Variants in MAP1A observed in about 807,000 individuals in gnomAD.
MAP1A encodes microtubule-associated protein 1A.
Under a neutral mutation model 185.9 loss-of-function variants are expected in MAP1A, and 42 were observed. The observed-to-expected ratio is 0.23, with a 90% CI of 0.18 to 0.29. The LOEUF (loss-of-function observed/expected upper bound fraction) is 0.29, where lower values mean the gene tolerates loss of function less well. Among genes scored for constraint, MAP1A ranks in the 10% least tolerant of loss-of-function variants. MAP1A has a pLI of 1.00. For synonymous variants in MAP1A, 1,229 were observed against 1,335.9 expected, an observed-to-expected ratio of 0.92 and a Z score of 1.74; for missense variants, 2,995 against 3,450.4, an observed-to-expected ratio of 0.87 and a Z score of 3.31.
Position 43,530,212 on chromosome 15 carries a change from G to A in MAP1A, c.8400G>A (p.Lys2800=), listed in dbSNP as rs771508941. The change falls in exon 6 of 6, where the codon AAG becomes AAA. Residue 2800 remains lysine, a synonymous_variant. Coordinates refer to ENST00000300231, the MANE Select transcript of MAP1A (RefSeq NM_002373.6). ...VMQDESFPAC[K]IEF ...AGGATGAGTCCTTCCCTGCCTGCAAGATTGAGTTCTGAAAGAGCCGCCCTC... is the reference window on the plus strand; with the variant it reads ...AGGATGAGTCCTTCCCTGCCTGCAAAATTGAGTTCTGAAAGAGCCGCCCTC... The A allele has an allele frequency of 6.2e-7, 1 of 1,614,098 alleles. No individual in the cohort carries two copies. Among genetic ancestry groups the A allele is most frequent in the Non-Finnish European group, 8.5e-7 (1 of 1,179,974 alleles).
intron 1 of MAP1A, chr15:43,512,136 A>G (rs1303582257): frequency 9.9e-7 from 1 of 1,015,122 alleles, no homozygotes; most frequent in East Asian, 2.6e-5. Context: ...CTGCAGTCTC[A>G]CCACCCTACA....
At position 43,521,122 on chromosome 15, in the gene MAP1A, A is replaced by G. The variant is rs1315642407; in HGVS notation, c.-151+10A>G. On this transcript the variant is annotated intron_variant, in intron 3 of 5. Transcript: ENST00000300231. This position sits in a 1 kb window ranked among gnomAD's most constrained non-coding sequence, Gnocchi z 4.6. Reference sequence around the variant, plus strand: ...CCTTCACAACCCCGAGGTAAGTTCCATGCCAGAGTGTCTGGGAGAAAGGGT... The same window carrying G: ...CCTTCACAACCCCGAGGTAAGTTCCGTGCCAGAGTGTCTGGGAGAAAGGGT... 4.5e-6 allele frequency: 7 copies of G among 1,543,212 alleles called. No individual in the cohort carries two copies. The East Asian group carries it at 1.7e-4, about 38-fold the overall frequency.
chr15:43,526,732 A>C lies in MAP1A; in HGVS notation c.5259A>C (p.Ser1753=), dbSNP rs2079345659. Residue 1753 remains serine, a synonymous_variant, in exon 4 of 6, where the codon TCA becomes TCC. Transcript: ENST00000300231. This position sits in a 1 kb window ranked among gnomAD's most constrained non-coding sequence, Gnocchi z 4.7. The part of the protein sequence containing the change: ...REHATRSPWA[S]DFKDFQESSP... ...ACGCAACCCGGAGCCCCTGGGCCTCAGACTTCAAGGATTTCCAGGAATCCT... is the reference window on the plus strand; with the variant it reads ...ACGCAACCCGGAGCCCCTGGGCCTCCGACTTCAAGGATTTCCAGGAATCCT... 1 of 1,614,016 alleles carries C rather than the reference A, an allele frequency of 6.2e-7. No individual in the cohort carries two copies. Among genetic ancestry groups the C allele is most frequent in the Admixed American group, 1.7e-5 (1 of 59,992 alleles).
At chr15:43,519,187 T>G (rs2079310352) in intron 1 of MAP1A, among the ~76,000 whole-genome samples, 1 of 152,194 alleles carries the variant, frequency 6.6e-6, no homozygotes, top group African/African-American at 2.4e-5. Flanking sequence ...GCCCTGCCCT[T>G]GCCTACATCT....
Position 43,528,479 on chromosome 15 carries a change from C to T in MAP1A, c.7006C>T (p.His2336Tyr), listed in dbSNP as rs759508052. The change falls in exon 4 of 6, where the codon CAC becomes TAC. Residue 2336 changes from histidine (H) to tyrosine (Y), a missense_variant. Coordinates refer to ENST00000300231, the MANE Select transcript of MAP1A (RefSeq NM_002373.6). ...GDMGDGILPC[H>Y]LECSEAATEK... is the part of the protein sequence containing the mutation. ...CATGGGTGATGGCATCCTGCCGTGCCACCTGGAGTGCTCAGAGGCAGCCAC... is the reference window on the plus strand; with the variant it reads ...CATGGGTGATGGCATCCTGCCGTGCTACCTGGAGTGCTCAGAGGCAGCCAC... 1.1e-5 allele frequency: 17 copies of T among 1,613,544 alleles called. No individual in the cohort carries two copies. In the East Asian group the frequency reaches 3.3e-4, roughly 32 times the overall value.
In MAP1A at chr15:43,527,210, G is replaced by A; in HGVS notation, c.5737G>A (p.Glu1913Lys). ...CCTGGGGAAGGACTACCGCAAGGCT[G>A]AAGGGGAAAGGGAAGAAGAAGGTAG... ...SPLGKDYRKA[E>K]GEREEEGRAE... The change falls in exon 4 of 6, where the codon GAA (glutamate) becomes AAA (lysine). Residue 1913 changes from glutamate (E) to lysine (K), a missense_variant. Glu to Lys is a moderately conservative substitution (Grantham distance 56, BLOSUM62 1). Coordinates refer to ENST00000300231, the MANE Select transcript of MAP1A (RefSeq NM_002373.6). 1 of 1,614,122 alleles carries A rather than the reference G, an allele frequency of 6.2e-7. No individual in the cohort carries two copies. Among genetic ancestry groups the A allele is most frequent in the Non-Finnish European group, 8.5e-7 (1 of 1,179,998 alleles).
Position 43,529,884 on chromosome 15 carries a change from G to T in MAP1A, c.8256+14G>T. 2 of 1,610,770 alleles carry T rather than the reference G, an allele frequency of 1.2e-6. No individual in the cohort carries two copies. The highest frequency in any genetic ancestry group is 1.7e-6 in the Non-Finnish European group (2 of 1,178,888). On this transcript the variant is annotated intron_variant, in intron 5 of 5. Transcript: ENST00000300231. This position sits in a 1 kb window ranked among gnomAD's most constrained non-coding sequence, Gnocchi z 4.3. Reference sequence around the variant, plus strand: ...GAGAATCTTCAGGTGAGTAGCAAAGGACACCAAGGAAGTAGTCTGGTCAAC... The same window carrying T: ...GAGAATCTTCAGGTGAGTAGCAAAGTACACCAAGGAAGTAGTCTGGTCAAC...
In MAP1A at chr15:43,529,892, G is replaced by T. The variant is rs1401064059; in HGVS notation, c.8256+22G>T. 2 of 1,608,028 alleles carry T rather than the reference G, an allele frequency of 1.2e-6. No individual in the cohort carries two copies. The highest frequency in any genetic ancestry group is 1.1e-5 in the South Asian group (1 of 90,836). ...TCAGGTGAGTAGCAAAGGACACCAA[G>T]GAAGTAGTCTGGTCAACGCTCACTC... On this transcript the variant is annotated intron_variant, in intron 5 of 5. Coordinates refer to ENST00000300231, the MANE Select transcript of MAP1A (RefSeq NM_002373.6). This position sits in a 1 kb window ranked among gnomAD's most constrained non-coding sequence, Gnocchi z 4.3.
At chr15:43,520,944 T>A in intron 2 of MAP1A, 28 bp from the exon 3 acceptor site, 1 of 1,545,240 alleles carries the variant, frequency 6.5e-7, no homozygotes. Context: ...TTCCTATATC[T>A]GTGACCACTC....
chr15:43,520,688 C>G lies in MAP1A; in HGVS notation c.-327C>G. On this transcript the variant is annotated 5_prime_UTR_variant, in exon 2 of 6. Coordinates refer to ENST00000300231, the MANE Select transcript of MAP1A (RefSeq NM_002373.6). ...GAGTGAGATCCTAGAGACCATCATC[C>G]TGGTAAATCCCAGTGCAGACAGCAT... 1.3e-6 allele frequency: 2 copies of G among 1,550,616 alleles called. No homozygotes were observed. Among genetic ancestry groups the G allele is most frequent in the Non-Finnish European group, 1.7e-6 (2 of 1,146,786 alleles).
At position 43,527,765 on chromosome 15, in the gene MAP1A, C is replaced by G; in HGVS notation, c.6292C>G (p.Arg2098Gly). 6.2e-7 allele frequency: 1 copy of G among 1,613,720 alleles called. No individual in the cohort carries two copies. Among genetic ancestry groups the G allele is most frequent in the Non-Finnish European group, 8.5e-7 (1 of 1,179,824 alleles). ...RRSPSPKESGRSHWDDSTSDS... is the reference protein window; with the variant it reads ...RRSPSPKESGGSHWDDSTSDS... ...GTCCCCATCCCCCAAGGAATCAGGCCGGAGTCACTGGGATGACAGCACTAG... is the reference window on the plus strand; with the variant it reads ...GTCCCCATCCCCCAAGGAATCAGGCGGGAGTCACTGGGATGACAGCACTAG... Residue 2098 changes from arginine (R) to glycine (G), a missense_variant, in exon 4 of 6, where the codon CGG (arginine) becomes GGG (glycine). By Grantham distance (125) the Arg-to-Gly change is moderately radical. Coordinates refer to ENST00000300231, the MANE Select transcript of MAP1A (RefSeq NM_002373.6).
At position 43,520,690 on chromosome 15, in the gene MAP1A, G is replaced by A; in HGVS notation, c.-325G>A. ...GTGAGATCCTAGAGACCATCATCCT[G>A]GTAAATCCCAGTGCAGACAGCATCA... On this transcript the variant is annotated 5_prime_UTR_variant, in exon 2 of 6. Coordinates refer to ENST00000300231, the MANE Select transcript of MAP1A (RefSeq NM_002373.6). 6.4e-7 allele frequency: 1 copy of A among 1,550,526 alleles called. No homozygotes were observed. Among genetic ancestry groups the A allele is most frequent in the Non-Finnish European group, 8.7e-7 (1 of 1,146,724 alleles).
Position 43,521,879 on chromosome 15 carries a change from T to C in MAP1A, c.406T>C (p.Phe136Leu), listed in dbSNP as rs947920168. The stretch of plus-strand genomic sequence containing the variant: ...TATCTCTCCTGAGCTTGGAGTTGTC[T>C]TTTTCAACGTGCCTGAGAAGCTGCG... ...NLISPELGVV[F>L]FNVPEKLRLP... Residue 136 changes from phenylalanine to leucine, a missense_variant, in exon 4 of 6, where the codon TTT (phenylalanine) becomes CTT (leucine). This residue lies in a region of MAP1A where 264 missense variants were observed against 435.3 expected (regional missense o/e 0.61). Transcript: ENST00000300231. The surrounding 1 kb of genome is among the most constrained non-coding windows in gnomAD (Gnocchi z 4.6). The C allele has an allele frequency of 5.6e-6, 9 of 1,614,038 alleles. No individual in the cohort carries two copies. Among genetic ancestry groups the C allele is most frequent in the Non-Finnish European group, 7.6e-6 (9 of 1,180,018 alleles).
chr15:43,525,096 C>T lies in MAP1A; in HGVS notation c.3623C>T (p.Thr1208Ile), dbSNP rs1362681955. ...TCAGAAGAGAGTCCCAGCAAGGAGA[C>T]CTCCCTGGATGTCTCTTCTAAGCAG... The part of the protein sequence containing the change: ...SLSEESPSKE[T>I]SLDVSSKQLS... Residue 1208 changes from threonine to isoleucine, a missense_variant, in exon 4 of 6, where the codon ACC (threonine) becomes ATC (isoleucine). Transcript: ENST00000300231. 6.2e-7 allele frequency: 1 copy of T among 1,614,198 alleles called. No individual in the cohort carries two copies. The highest frequency in any genetic ancestry group is 1.7e-5 in the Admixed American group (1 of 60,030).
rs773249162 is a variant in MAP1A, at chr15:43,522,203, C to T, written c.730C>T (p.Leu244Phe). The T allele has an allele frequency of 3.7e-6, 6 of 1,614,248 alleles. No individual in the cohort carries two copies. The highest frequency in any genetic ancestry group is 5.1e-6 in the Non-Finnish European group (6 of 1,180,050). The change falls in exon 4 of 6, where the codon CTT becomes TTT. Residue 244 changes from leucine (L) to phenylalanine (F), a missense_variant. Transcript: ENST00000300231. This position sits in a 1 kb window ranked among gnomAD's most constrained non-coding sequence, Gnocchi z 5.9. ...GGAGGCTGAGATCTCCGTGCCCTAC[C>T]TTACCTCTATCACTGCTCTGGTGGT... is the stretch of plus-strand genomic sequence containing the variant. ...GKEAEISVPY[L>F]TSITALVVWL... is the part of the protein sequence containing the mutation.
In MAP1A at chr15:43,525,887, G is replaced by A; in HGVS notation, c.4414G>A (p.Glu1472Lys). ...CCTGGAACAGAAGGACAAGGCCCTGGAACCAAAAGATAAAGACTTGGAACA... is the reference window on the plus strand; with the variant it reads ...CCTGGAACAGAAGGACAAGGCCCTGAAACCAAAAGATAAAGACTTGGAACA... The part of the protein sequence containing the change: ...TALEQKDKAL[E>K]PKDKDLEQKD... Residue 1472 changes from glutamate (E) to lysine (K), a missense_variant, in exon 4 of 6, where the codon GAA (glutamate) becomes AAA (lysine). Physicochemically the swap from Glu to Lys is moderately conservative, Grantham distance 56 (BLOSUM62 1). Transcript: ENST00000300231. The A allele has an allele frequency of 6.2e-7, 1 of 1,613,036 alleles. No individual in the cohort carries two copies. The highest frequency in any genetic ancestry group is 1.1e-5 in the South Asian group (1 of 90,958).
At position 43,521,281 on chromosome 15, in the gene MAP1A, A is replaced by G. The variant is rs1470636122; in HGVS notation, c.-150-43A>G. 2.6e-6 allele frequency: 4 copies of G among 1,526,644 alleles called. No individual in the cohort carries two copies. Among genetic ancestry groups the G allele is most frequent in the Non-Finnish European group, 2.6e-6 (3 of 1,139,306 alleles). 94.6% of individuals were successfully genotyped at this position (1,526,644 alleles called of 1,614,324 possible). ...TACTGAATCTAAGTCAGACCAAAAC[A>G]ACTCTAGTGACCTGATCAGGTTTCT... On this transcript the variant is annotated intron_variant, in intron 3 of 5. Transcript: ENST00000300231. The surrounding 1 kb of genome is among the most constrained non-coding windows in gnomAD (Gnocchi z 4.6).
chr15:43,511,484 G>A (rs1334864582), intron 1 of MAP1A, among the ~76,000 whole-genome samples: 1 of 152,166 alleles, frequency 6.6e-6, no homozygotes, highest in Non-Finnish European at 1.5e-5. Context: ...GCAGCCCCTG[G>A]GGCCCCTCTG....
chr15:43,524,881 G>A lies in MAP1A; in HGVS notation c.3408G>A (p.Glu1136=), dbSNP rs776953543. The A allele has an allele frequency of 6.2e-6, 10 of 1,613,492 alleles. No homozygotes were observed. The highest frequency in any genetic ancestry group is 8.5e-6 in the Non-Finnish European group (10 of 1,179,438). ...PQEPGKPQKD[E]VLRYPDRSLS... is the part of the protein sequence containing the mutation. The stretch of plus-strand genomic sequence containing the variant: ...AACCTGGCAAACCTCAGAAAGATGA[G>A]GTGCTCAGATATCCTGACCGAAGCC... Residue 1136 remains glutamate, a synonymous_variant, in exon 4 of 6, where the codon GAG becomes GAA. Transcript: ENST00000300231.
Sources: gnomAD v4.1 joint callset for allele counts (sites outside exome capture counted in the v4.1 genomes callset) on GRCh38, gnomAD v4.1.1 for gene constraint, gnomAD v4.1.1 regional missense constraint, Gnocchi (gnomAD v3.1) non-coding constraint, MANE v1.5 for transcripts, NCBI Gene and HGNC (gene_info 2026-07-23, HGNC 2026-07-21) for gene names.